Variants in GASK1B observed in about 807,000 individuals in gnomAD.
GASK1B encodes golgi associated kinase 1B.
Under a neutral mutation model 42.8 loss-of-function variants are expected in GASK1B, and 34 were observed. That is an observed-to-expected ratio of 0.79 (90% CI 0.60 to 1.06). The LOEUF (loss-of-function observed/expected upper bound fraction) is 1.06, where lower values mean the gene tolerates loss of function less well. GASK1B is among the 50% of genes least tolerant of loss of function. The pLI, the probability that GASK1B is intolerant of heterozygous loss-of-function variation, is 0.00. For missense variants in GASK1B, 686 were observed against 661.0 expected, an observed-to-expected ratio of 1.04 and a Z score of -0.42; for synonymous variants, 262 against 259.1, an observed-to-expected ratio of 1.01 and a Z score of -0.11.
At chr4:158,170,070 A>G (rs1579054089) in intron 2 of GASK1B, 1 of 664,042 alleles carries the variant, frequency 1.5e-6, no homozygotes, top group African/African-American at 1.8e-5. Context: ...AAAAACTTCT[A>G]CTTCCTCCCA....
At chr4:158,137,072 A>G (rs1162720438) in intron 3 of GASK1B, among the ~76,000 whole-genome samples, 1 of 152,214 alleles carries the variant, frequency 6.6e-6, no homozygotes, top group Admixed American at 6.5e-5. Flanking sequence ...TACACTGAAT[A>G]AAGTGCAAAA....
chr4:158,171,028 G>C lies in GASK1B; in HGVS notation c.348C>G (p.Ser116Arg). Residue 116 changes from serine to arginine, a missense_variant, in exon 2 of 5, where the codon AGC (serine) becomes AGG (arginine). Transcript: ENST00000585682. ...CGGTGCCACGGATATTGGCCGGCTT[G>C]CTGCGCTTGGAGCGTAGGGTAATGT... The part of the protein sequence containing the change: ...VVYITLRSKR[S>R]KPANIRGTVK... 6.2e-7 allele frequency: 1 copy of C among 1,613,978 alleles called. No individual in the cohort carries two copies. The highest frequency in any genetic ancestry group is 8.5e-7 in the Non-Finnish European group (1 of 1,179,856).
At chr4:158,158,882 A>G (rs1192701261) in intron 2 of GASK1B, among the ~76,000 whole-genome samples, 1 of 152,056 alleles carries the variant, frequency 6.6e-6, no homozygotes, top group Admixed American at 6.6e-5. Context: ...GACTATTTTT[A>G]GTTCACAAAA....
intron 3 of GASK1B, among the ~76,000 whole-genome samples, chr4:158,135,177 C>T (rs1024802283): frequency 2.0e-5 from 3 of 151,466 alleles, no homozygotes; most frequent in African/African-American, 4.8e-5. Context: ...CTAAAGATAC[C>T]GGGCGTGGTG....
intron 1 of GASK1B, chr4:158,172,324 A>C (rs1322929229): frequency 3.3e-5 from 5 of 152,212 alleles, no homozygotes; most frequent in Admixed American, 3.3e-4. Flanking sequence ...GAAACTCGTA[A>C]GCAACCTTAC....
chr4:158,171,730 T>G (rs1378890918), intron 1 of GASK1B, 131 bp from the exon 2 acceptor site: 1 of 175,642 alleles, frequency 5.7e-6, no homozygotes, highest in Non-Finnish European at 1.2e-5. Flanking sequence ...AAAAATAAAA[T>G]TTAAAAGCAT....
At chr4:158,138,723 T>A (rs778625547) in intron 3 of GASK1B, among the ~76,000 whole-genome samples, 1 of 152,068 alleles carries the variant, frequency 6.6e-6, no homozygotes, top group Non-Finnish European at 1.5e-5. Context: ...TCAGTTTTGG[T>A]TATGGTTAAC....
At chr4:158,147,370 G>A (rs1465231694) in intron 3 of GASK1B, among the ~76,000 whole-genome samples, 1 of 152,036 alleles carries the variant, frequency 6.6e-6, no homozygotes, top group Admixed American at 6.6e-5. Context: ...AGAGGACAAG[G>A]CAAGAACATC....
intron 3 of GASK1B, 69 bp from the exon 4 acceptor site, chr4:158,131,081 C>A: frequency 7.4e-7 from 1 of 1,343,992 alleles, no homozygotes; most frequent in South Asian, 1.3e-5. Context: ...ACAAGATTTT[C>A]AAAGATCAGT....
intron 3 of GASK1B, among the ~76,000 whole-genome samples, chr4:158,134,560 T>G (rs921083464): frequency 3.3e-5 from 5 of 152,214 alleles, no homozygotes; most frequent in African/African-American, 4.8e-5. Context: ...CTTAAAATAC[T>G]GCCAATCACC....
intron 3 of GASK1B, among the ~76,000 whole-genome samples, chr4:158,142,701 T>C (rs2110959470): frequency 6.6e-6 from 1 of 152,298 alleles, no homozygotes; most frequent in Admixed American, 6.5e-5. Flanking sequence ...TGTCTTCTGA[T>C]AAAAGAACAC....
intron 2 of GASK1B, among the ~76,000 whole-genome samples, chr4:158,166,574 G>A (rs921831389): frequency 1.3e-5 from 2 of 152,114 alleles, no homozygotes; most frequent in Non-Finnish European, 2.9e-5. Flanking sequence ...AGAGTCCCCA[G>A]GCATAATGAC....
Position 158,129,658 on chromosome 4 carries a change from GA to G in GASK1B, c.1352+1127del, listed in dbSNP as rs747633787. ...CAGAATTAGCACCACAGTTATTACA[GA>G]AAAAAAAAATACTGGACTTGGATTT... is the stretch of plus-strand genomic sequence containing the variant. On this transcript the variant is annotated intron_variant, in intron 4 of 4. Transcript: ENST00000585682. 1.2e-3 allele frequency among the ~76,000 whole-genome samples: 181 copies of G among 149,398 alleles called. 1 individual carries two copies. The East Asian group carries it at 0.027, about 22-fold the overall frequency.
intron 2 of GASK1B, chr4:158,167,089 C>T (rs1189828950): frequency 2.0e-5 from 3 of 152,112 alleles, no homozygotes; most frequent in Non-Finnish European, 4.4e-5. Flanking sequence ...CACAGACTAA[C>T]CACTTTCTTG....
intron 2 of GASK1B, among the ~76,000 whole-genome samples, chr4:158,159,015 T>C (rs888928614): frequency 6.6e-6 from 1 of 152,130 alleles, no homozygotes; most frequent in Non-Finnish European, 1.5e-5. Context: ...TTTGGAATGA[T>C]ACATTTTCTA....
intron 2 of GASK1B, among the ~76,000 whole-genome samples, chr4:158,164,421 G>A (rs866341642): frequency 8.5e-5 from 13 of 152,144 alleles, no homozygotes; most frequent in Non-Finnish European, 8.8e-5. Flanking sequence ...CCGGTTCCCC[G>A]TTTGCCTATG....
At chr4:158,142,196 G>T (rs973593298) in intron 3 of GASK1B, among the ~76,000 whole-genome samples, 1 of 150,680 alleles carries the variant, frequency 6.6e-6, no homozygotes, top group South Asian at 2.1e-4. Context: ...CACCCGCCTC[G>T]GCCTCCCAAA....
intron 3 of GASK1B, among the ~76,000 whole-genome samples, chr4:158,153,860 A>G (rs1286493005): frequency 6.6e-6 from 1 of 152,190 alleles, no homozygotes; most frequent in Non-Finnish European, 1.5e-5. Context: ...TCAACTCAAG[A>G]TGGATGAAAG....
At chr4:158,140,676 C>A (rs1003891422) in intron 3 of GASK1B, among the ~76,000 whole-genome samples, 1 of 152,192 alleles carries the variant, frequency 6.6e-6, no homozygotes, top group Non-Finnish European at 1.5e-5. Flanking sequence ...TTCAATGGCA[C>A]AGGCTTAGTG....
Sources: allele counts gnomAD v4.1 joint callset (sites outside exome capture counted in the v4.1 genomes callset), GRCh38; gene constraint gnomAD v4.1.1; transcripts MANE v1.5; gene names NCBI Gene and HGNC (gene_info 2026-07-23, HGNC 2026-07-21).